The following PARD3B variants were observed in gnomAD, a reference collection of about 807,000 sequenced individuals.
The protein encoded by PARD3B is partitioning defective 3 homolog B.
In PARD3B, 103 loss-of-function variants were observed where a neutral mutation model predicts 130.2. That is an observed-to-expected ratio of 0.79 (90% CI 0.67 to 0.93). The LOEUF (loss-of-function observed/expected upper bound fraction) is 0.93. Ranked by LOEUF, PARD3B falls within the 40% of genes least tolerant of loss-of-function variation. The pLI is 0.00. For synonymous variants in PARD3B, 583 were observed against 553.2 expected (o/e 1.05, Z -0.76); for missense variants, 1,609 against 1,499.2 (o/e 1.07, Z -1.21).
At chr2:205,024,504 A>G (rs2125341887) in intron 3 of PARD3B, among the ~76,000 whole-genome samples, 1 of 152,078 alleles carries the variant, frequency 6.6e-6, no homozygotes, top group South Asian at 2.1e-4. Context: ...CCTCATACCT[A>G]TTTAAATTTT....
chr2:205,375,402 T>C (rs2045003374), intron 18 of PARD3B, among the ~76,000 whole-genome samples: 1 of 152,096 alleles, frequency 6.6e-6, no homozygotes, highest in South Asian at 2.1e-4. Context: ...AGGGGAAGGG[T>C]CAGGAAGAGC....
intron 16 of PARD3B, among the ~76,000 whole-genome samples, chr2:205,296,915 AC>A (rs2041819058): frequency 4.6e-5 from 7 of 151,706 alleles, no homozygotes; most frequent in Admixed American, 4.6e-4. Flanking sequence ...TAATGAGGCC[AC>A]AATTTTAAGA....
In PARD3B at chr2:204,729,998, A is replaced by AACACACACACAC. The variant is rs3036396; in HGVS notation, c.222+43742_222+43753dup. ...CTAGTTACAGATACACACACACACA[A>AACACACACACAC]ACACACACACACACACACACACACA... is the stretch of plus-strand genomic sequence containing the variant. On this transcript the variant is annotated intron_variant, in intron 2 of 22. Coordinates refer to ENST00000406610, the MANE Select transcript of PARD3B (RefSeq NM_001302769.2). Among the ~76,000 whole-genome samples the AACACACACACAC allele has an allele frequency of 9.8e-4, 139 of 141,460 alleles. 1 individual carries two copies. The highest frequency in any genetic ancestry group is 2.1e-3 in the South Asian group (9 of 4,388). The allele number at this position is 141,460 out of a possible 152,430, so 92.8% of individuals were successfully genotyped here.
chr2:205,228,730 C>G (rs1190488652), intron 15 of PARD3B, among the ~76,000 whole-genome samples: 1 of 152,068 alleles, frequency 6.6e-6, no homozygotes, highest in African/African-American at 2.4e-5. Flanking sequence ...TCTTTAAGGC[C>G]AATAACTCTT....
At chr2:205,087,116 TGAG>T (rs1333689495) in intron 4 of PARD3B, among the ~76,000 whole-genome samples, 5 of 152,162 alleles carry the variant, frequency 3.3e-5, no homozygotes, top group Non-Finnish European at 5.9e-5. Context: ...TCTTCTTTGA[TGAG>T]GAGAGTATTC....
chr2:205,282,857 T>C (rs939510694), intron 16 of PARD3B, among the ~76,000 whole-genome samples: 5 of 152,152 alleles, frequency 3.3e-5, no homozygotes, highest in East Asian at 1.9e-4. Context: ...TTGGGTGTTA[T>C]AGTAAAAGTT....
chr2:204,645,030 A>T (rs987031142), intron 1 of PARD3B, among the ~76,000 whole-genome samples: 1 of 152,104 alleles, frequency 6.6e-6, no homozygotes, highest in Admixed American at 6.6e-5. Context: ...ATTTATGCAG[A>T]AGTGATTTTG....
intron 18 of PARD3B, among the ~76,000 whole-genome samples, chr2:205,357,615 A>G (rs2044242824): frequency 1.3e-5 from 2 of 152,038 alleles, no homozygotes; most frequent in Admixed American, 1.3e-4. Flanking sequence ...TTTTGGAACG[A>G]AAGTTTTAGC....
intron 2 of PARD3B, among the ~76,000 whole-genome samples, chr2:204,814,429 A>T (rs1489668650): frequency 6.6e-6 from 1 of 151,820 alleles, no homozygotes; most frequent in South Asian, 2.1e-4. Context: ...AAACTGTAGG[A>T]TATATATTAA....
chr2:205,449,834 G>A (rs1279590456), intron 20 of PARD3B, among the ~76,000 whole-genome samples: 3 of 152,150 alleles, frequency 2.0e-5, no homozygotes, highest in Admixed American at 6.5e-5. Context: ...AAGTTTAGAA[G>A]CAATCTGACT....
At chr2:205,170,087 C>G (rs896646710) in intron 11 of PARD3B, among the ~76,000 whole-genome samples, 1 of 151,960 alleles carries the variant, frequency 6.6e-6, no homozygotes, top group African/African-American at 2.4e-5. Context: ...TGCACCACCG[C>G]GCCCAGCTAA....
intron 15 of PARD3B, among the ~76,000 whole-genome samples, chr2:205,235,085 A>G (rs1046605095): frequency 6.6e-6 from 1 of 152,160 alleles, no homozygotes. Flanking sequence ...TTAGAAAAGG[A>G]AGAAAGATTT....
chr2:205,238,954 A>C (rs1031946500), intron 15 of PARD3B, among the ~76,000 whole-genome samples: 1 of 139,780 alleles, frequency 7.2e-6, no homozygotes, highest in Admixed American at 7.2e-5. Context: ...ATATATATAT[A>C]TCTGATGTGC....
At chr2:204,822,391 A>G (rs2043395911) in intron 2 of PARD3B, among the ~76,000 whole-genome samples, 1 of 152,236 alleles carries the variant, frequency 6.6e-6, no homozygotes, top group South Asian at 2.1e-4. Context: ...TGAAGATGCT[A>G]TGAACATTGT....
chr2:205,574,101 C>G (rs887956446), intron 22 of PARD3B, among the ~76,000 whole-genome samples: 12 of 152,146 alleles, frequency 7.9e-5, no homozygotes, highest in African/African-American at 2.9e-4. Context: ...ACCACAATTA[C>G]AGTTTTATAT....
At chr2:204,950,051 C>T (rs536416959) in intron 2 of PARD3B, among the ~76,000 whole-genome samples, 1 of 152,220 alleles carries the variant, frequency 6.6e-6, no homozygotes, top group African/African-American at 2.4e-5. Flanking sequence ...TGAGCAATTC[C>T]TTCATGTCCA....
rs1467687957 is a variant in PARD3B, at chr2:205,291,498, T to C, written c.2186-9032T>C. Among the ~76,000 whole-genome samples, 1 of 152,242 alleles carries C rather than the reference T, an allele frequency of 6.6e-6. No individual in the cohort carries two copies. Among genetic ancestry groups the C allele is most frequent in the Non-Finnish European group, 1.5e-5 (1 of 68,042 alleles). On this transcript the variant is annotated intron_variant, in intron 16 of 22. Transcript: ENST00000406610. The surrounding 1 kb of genome is among the most constrained non-coding windows in gnomAD (Gnocchi z 4.6). ...AGCAAAGAACTTTGCTGAAGTGTGT[T>C]GTTCTGGTGTATTATGGAAGGTAGA...
intron 20 of PARD3B, among the ~76,000 whole-genome samples, chr2:205,444,522 G>A (rs1483046924): frequency 6.6e-6 from 1 of 152,184 alleles, no homozygotes; most frequent in Non-Finnish European, 1.5e-5. Flanking sequence ...CCAGAATGAT[G>A]CGTGGTAGCA....
chr2:204,598,007 A>AT (rs898846812), intron 1 of PARD3B, among the ~76,000 whole-genome samples: 2 of 152,188 alleles, frequency 1.3e-5, no homozygotes, highest in African/African-American at 2.4e-5. Context: ...GTGTAAGAGC[A>AT]TTTTGGAAAC....
Sources: allele counts gnomAD v4.1 joint callset (sites outside exome capture counted in the v4.1 genomes callset), GRCh38; gene constraint gnomAD v4.1.1; non-coding constraint Gnocchi (gnomAD v3.1); transcripts MANE v1.5; gene names NCBI Gene and HGNC (gene_info 2026-07-23, HGNC 2026-07-21).